ADGRD1: variants seen among roughly 807,000 people sequenced by gnomAD.
ADGRD1 encodes G-protein coupled receptor 133.
In ADGRD1, 77 loss-of-function variants were observed where a neutral mutation model predicts 113.4. The ratio of observed to expected loss-of-function variants is 0.68; its 90% CI spans 0.57 to 0.82. ADGRD1 has a LOEUF of 0.82. ADGRD1 is among the 40% of genes least tolerant of loss of function. The pLI, the probability that ADGRD1 is intolerant of heterozygous loss-of-function variation, is 0.00. For missense variants in ADGRD1, 1,036 were observed against 1,139.1 expected, an observed-to-expected ratio of 0.91 and a Z score of 1.30; for synonymous variants, 474 against 475.0, an observed-to-expected ratio of 1.00 and a Z score of 0.03.
At chr12:131,071,589 C>G (rs970231647) in intron 13 of ADGRD1, among the ~76,000 whole-genome samples, 1 of 152,190 alleles carries the variant, frequency 6.6e-6, no homozygotes, top group Non-Finnish European at 1.5e-5. Context: ...AAGGATGGAA[C>G]CTCTCCACAC....
Position 130,971,479 on chromosome 12 carries a change from A to G in ADGRD1, c.209A>G (p.Asn70Ser). ...TTAGATATTGTGGAAGGGAAGGTCAACAAAGGCATTTACCTGAAAGAGGAA... is the reference window on the plus strand; with the variant it reads ...TTAGATATTGTGGAAGGGAAGGTCAGCAAAGGCATTTACCTGAAAGAGGAA... ...TTGDIVEGKV[N>S]KGIYLKEEKG... Residue 70 changes from asparagine (N) to serine (S), a missense_variant, in exon 4 of 25, where the codon AAC becomes AGC. By Grantham distance (46) the Asn-to-Ser change is conservative (BLOSUM62 1). Coordinates refer to ENST00000261654, the MANE Select transcript of ADGRD1 (RefSeq NM_198827.5). The surrounding 1 kb of genome is among the most constrained non-coding windows in gnomAD (Gnocchi z 4.2). 6.2e-7 allele frequency: 1 copy of G among 1,613,684 alleles called. No homozygotes were observed.
intron 13 of ADGRD1, among the ~76,000 whole-genome samples, chr12:131,020,693 G>A (rs900510403): frequency 4.6e-5 from 7 of 152,256 alleles, no homozygotes; most frequent in African/African-American, 1.2e-4. Context: ...CCCCTGGACC[G>A]TGAAGAAGCC....
At chr12:131,093,775 C>G (rs1887072313) in intron 15 of ADGRD1, among the ~76,000 whole-genome samples, 1 of 152,248 alleles carries the variant, frequency 6.6e-6, no homozygotes, top group South Asian at 2.1e-4. Context: ...GCCTCCCAGC[C>G]AGCTGGACAC....
intron 15 of ADGRD1, among the ~76,000 whole-genome samples, chr12:131,090,877 C>G (rs1415499100): frequency 6.6e-6 from 1 of 152,232 alleles, no homozygotes; most frequent in Non-Finnish European, 1.5e-5. Context: ...GCATTGCACT[C>G]TGGGAACCGT....
At chr12:130,997,149 C>T (rs1188468314) in intron 8 of ADGRD1, among the ~76,000 whole-genome samples, 5 of 138,494 alleles carry the variant, frequency 3.6e-5, no homozygotes, top group Non-Finnish European at 6.3e-5. Context: ...GATCCCCCAC[C>T]TCCCTCCCGG....
chr12:131,055,287 G>A (rs912514072), intron 13 of ADGRD1, among the ~76,000 whole-genome samples: 2 of 152,226 alleles, frequency 1.3e-5, no homozygotes, highest in Middle Eastern at 3.4e-3. Context: ...ACGGATTCAC[G>A]TGATCCTTGG....
chr12:130,979,257 T>A (rs1872679871), intron 4 of ADGRD1, among the ~76,000 whole-genome samples: 1 of 152,154 alleles, frequency 6.6e-6, no homozygotes, highest in Non-Finnish European at 1.5e-5. Context: ...CTCTCAGAGG[T>A]CCAGAAAGGT....
Position 130,984,541 on chromosome 12 carries a change from C to T in ADGRD1, c.490+2478C>T, listed in dbSNP as rs1031063669. On this transcript the variant is annotated intron_variant, in intron 5 of 24. Transcript: ENST00000261654. The surrounding 1 kb of genome is among the most constrained non-coding windows in gnomAD (Gnocchi z 4.1). ...CAAAGTTCAGAGAATTCCCATTACC[C>T]TCCGCCTCTACACAGGCACAGCTTC... Among the ~76,000 whole-genome samples, 1 of 151,904 alleles carries T rather than the reference C, an allele frequency of 6.6e-6. No individual in the cohort carries two copies.
chr12:131,134,069 T>G (rs57412142), intron 21 of ADGRD1, among the ~76,000 whole-genome samples: 4,333 of 152,240 alleles, frequency 0.028, 221 homozygotes, highest in African/African-American at 0.099. Context: ...AGTCTCTGTT[T>G]ATTGATTGTG....
At chr12:131,007,734 T>C (rs760418641) in intron 12 of ADGRD1, among the ~76,000 whole-genome samples, 2 of 152,244 alleles carry the variant, frequency 1.3e-5, no homozygotes, top group Non-Finnish European at 2.9e-5. Context: ...ACATGTTCCA[T>C]GAGCAGCACA....
chr12:131,040,428 G>C (rs934297700), intron 13 of ADGRD1, among the ~76,000 whole-genome samples: 3 of 152,332 alleles, frequency 2.0e-5, no homozygotes, highest in Non-Finnish European at 2.9e-5. Flanking sequence ...GTCTTAAGCA[G>C]TAATCTCCAT....
chr12:131,123,588 A>G (rs931694318), intron 20 of ADGRD1, among the ~76,000 whole-genome samples: 3 of 151,862 alleles, frequency 2.0e-5, no homozygotes, highest in East Asian at 2.0e-4. Context: ...TTGGGAGGCC[A>G]AGGCAGGCGG....
intron 13 of ADGRD1, among the ~76,000 whole-genome samples, chr12:131,068,858 T>A (rs529017525): frequency 6.6e-6 from 1 of 152,376 alleles, no homozygotes; most frequent in Non-Finnish European, 1.5e-5. Context: ...AGGAGCCAAA[T>A]TGAAAAGCTG....
Position 131,138,010 on chromosome 12 carries a change from G to A in ADGRD1, c.2437-127G>A, listed in dbSNP as rs575253261. 63 of 729,020 alleles carry A rather than the reference G, an allele frequency of 8.6e-5. 1 individual carries two copies. Among genetic ancestry groups the A allele is most frequent in the African/African-American group, 5.0e-4 (29 of 58,102 alleles). 45.2% of individuals were successfully genotyped at this position (729,020 alleles called of 1,614,324 possible). On this transcript the variant is annotated intron_variant, in intron 23 of 24. Transcript: ENST00000261654. Reference sequence around the variant, plus strand: ...GCTCAGCTGTGGAGCCAGCAGCTCCGACTCATATTTCCAAATCCCAACCTC... The same window carrying A: ...GCTCAGCTGTGGAGCCAGCAGCTCCAACTCATATTTCCAAATCCCAACCTC...
intron 12 of ADGRD1, among the ~76,000 whole-genome samples, chr12:131,013,787 C>G (rs1169629135): frequency 1.3e-5 from 2 of 152,198 alleles, no homozygotes; most frequent in African/African-American, 2.4e-5. Flanking sequence ...GAGTTACCTG[C>G]CCAAGGTCAC....
chr12:130,990,647 G>A (rs1874264240), intron 6 of ADGRD1: 1 of 195,406 alleles, frequency 5.1e-6, no homozygotes, highest in African/African-American at 2.4e-5. Flanking sequence ...GCGAGTTGTA[G>A]CACTCCTCAT....
chr12:131,002,715 T>C, intron 9 of ADGRD1: 3 of 1,233,650 alleles, frequency 2.4e-6, no homozygotes, highest in Non-Finnish European at 3.1e-6. Context: ...CAGCCAGAGA[T>C]AGCTCTGGGT....
rs537575321 is a variant in ADGRD1, at chr12:131,093,522, G to A, written c.1671+8859G>A. On this transcript the variant is annotated intron_variant, in intron 15 of 24. Transcript: ENST00000261654. ...CTGGCTCCAGGGAAGGGCACAGGGC[G>A]GGCAGTGGCAGGGGCCTGAATTACA... Among the ~76,000 whole-genome samples the A allele has an allele frequency of 1.9e-4, 29 of 152,320 alleles. No individual in the cohort carries two copies. The East Asian group carries it at 5.4e-3, about 28-fold the overall frequency.
Position 130,981,712 on chromosome 12 carries a change from A to G in ADGRD1, c.311-172A>G, listed in dbSNP as rs552931490. ...GTGCCTGGCACTGTGTGAGCCCTTA[A>G]TAAACATGAGCAAATATCACTGTCT... On this transcript the variant is annotated intron_variant, in intron 4 of 24. Transcript: ENST00000261654. Among the ~76,000 whole-genome samples, 10 of 152,372 alleles carry G rather than the reference A, an allele frequency of 6.6e-5. No individual in the cohort carries two copies. The South Asian group carries it at 1.7e-3, about 25-fold the overall frequency.
Sources: gnomAD v4.1 joint callset for allele counts (sites outside exome capture counted in the v4.1 genomes callset) on GRCh38, gnomAD v4.1.1 for gene constraint, Gnocchi (gnomAD v3.1) non-coding constraint, MANE v1.5 for transcripts, NCBI Gene and HGNC (gene_info 2026-07-23, HGNC 2026-07-21) for gene names.